HS1BP3: variants seen among roughly 807,000 people sequenced by gnomAD.
HS1BP3 encodes the protein HCLS1-binding protein 3.
HS1BP3 carries 32 observed loss-of-function variants against 33.5 expected under a neutral mutation model. That is an observed-to-expected ratio of 0.95 (90% CI 0.72 to 1.28). The LOEUF is 1.28. Ranked by LOEUF, HS1BP3 falls within the 50% of genes most tolerant of loss-of-function variation. The probability of loss-of-function intolerance (pLI) is 0.00; values close to 1 mark genes in which losing one functional copy is unlikely to be tolerated. For synonymous variants in HS1BP3, 187 were observed against 209.2 expected, an observed-to-expected ratio of 0.89 and a Z score of 0.92; for missense variants, 486 against 502.3, an observed-to-expected ratio of 0.97 and a Z score of 0.31.
At chr2:20,623,777 C>T (rs758447028) in intron 6 of HS1BP3, 119 bp downstream of exon 6, 9 of 1,195,788 alleles carry the variant, frequency 7.5e-6, no homozygotes, top group Non-Finnish European at 9.0e-6. Context: ...CTACTTTTCA[C>T]AGGCCTGGGG....
intron 3 of HS1BP3, 104 bp downstream of exon 3, chr2:20,640,869 C>A (rs1212605105): frequency 1.7e-6 from 2 of 1,166,866 alleles, no homozygotes; most frequent in Non-Finnish European, 2.5e-6. Flanking sequence ...CTGAAGCCTC[C>A]AGGCTGCAGA....
At chr2:20,634,278 G>A (rs1695054393) in intron 4 of HS1BP3, among the ~76,000 whole-genome samples, 1 of 152,224 alleles carries the variant, frequency 6.6e-6, no homozygotes, top group African/African-American at 2.4e-5. Flanking sequence ...TTGGTTTCTG[G>A]GAATTCTCAA....
chr2:20,566,765 C>A (rs368542884), intron 5 of HS1BP3, among the ~76,000 whole-genome samples: 3 of 152,024 alleles, frequency 2.0e-5, no homozygotes, highest in African/African-American at 7.2e-5. Flanking sequence ...CACCACCATG[C>A]CCAGCTAATT....
At position 20,641,069 on chromosome 2, in the gene HS1BP3, C is replaced by T. The variant is rs1558349764; in HGVS notation, c.310G>A (p.Asp104Asn). ...PRKVLFVGES[D>N]IRERRAVFNE... The stretch of plus-strand genomic sequence containing the variant: ...AACACGGCTCTCCTCTCCCGGATGT[C>T]AGACTCCCCAACAAACAGGACCTTC... Residue 104 changes from aspartate to asparagine, a missense_variant, in exon 3 of 7, where the codon GAC becomes AAC. Transcript: ENST00000304031. The T allele has an allele frequency of 6.2e-7, 1 of 1,614,126 alleles. No homozygotes were observed. The highest frequency in any genetic ancestry group is 8.5e-7 in the Non-Finnish European group (1 of 1,180,040).
intron 4 of HS1BP3, among the ~76,000 whole-genome samples, chr2:20,630,077 G>A (rs892709336): frequency 7.2e-5 from 11 of 152,228 alleles, no homozygotes; most frequent in African/African-American, 2.7e-4. Context: ...GCTTAACTGG[G>A]TCTGAACAGA....
At chr2:20,582,414 C>G (rs1267593535) in intron 5 of HS1BP3, among the ~76,000 whole-genome samples, 1 of 150,296 alleles carries the variant, frequency 6.7e-6, no homozygotes, top group African/African-American at 2.5e-5. Context: ...GAGAGCTGTC[C>G]TAGGGGGAGG....
downstream of HS1BP3, among the ~76,000 whole-genome samples, chr2:20,557,814 G>A (rs184487473): frequency 3.4e-4 from 52 of 152,288 alleles, no homozygotes; most frequent in Non-Finnish European, 5.9e-4. Context: ...ACCCTGCAGG[G>A]GCCAGGTGCC....
intron 5 of HS1BP3, among the ~76,000 whole-genome samples, chr2:20,574,223 G>T (rs147009709): frequency 6.6e-6 from 1 of 152,204 alleles, no homozygotes; most frequent in Non-Finnish European, 1.5e-5. Context: ...TGCAAGGCTC[G>T]TGAGACTCAA....
chr2:20,618,481 A>T lies in HS1BP3; in HGVS notation c.*506T>A. 1 of 158,616 alleles carries T rather than the reference A, an allele frequency of 6.3e-6. No individual in the cohort carries two copies. The allele number at this position is 158,616 out of a possible 1,614,324, so 9.8% of individuals were successfully genotyped here. Reference sequence around the variant, plus strand: ...GACGTCCCCACCCCAGGCCCAGGCCAGTCAGTCACCCAGGCTACAGCTTAG... The same window carrying T: ...GACGTCCCCACCCCAGGCCCAGGCCTGTCAGTCACCCAGGCTACAGCTTAG... On this transcript the variant is annotated 3_prime_UTR_variant, in exon 7 of 7. Coordinates refer to ENST00000304031, the MANE Select transcript of HS1BP3 (RefSeq NM_022460.4).
intron 5 of HS1BP3, among the ~76,000 whole-genome samples, chr2:20,584,519 G>A (rs1047017095): frequency 2.0e-5 from 3 of 152,172 alleles, no homozygotes; most frequent in East Asian, 1.9e-4. Context: ...AAGGCTCTTC[G>A]GGTCAGCAGG....
At chr2:20,569,009 A>G (rs1315590087) in intron 5 of HS1BP3, among the ~76,000 whole-genome samples, 1 of 152,186 alleles carries the variant, frequency 6.6e-6, no homozygotes, top group Non-Finnish European at 1.5e-5. Context: ...TAAGCAGAGT[A>G]CTGGTCGACT....
At chr2:20,605,244 A>G (rs986331564) in intron 2 of HS1BP3, among the ~76,000 whole-genome samples, 9 of 152,118 alleles carry the variant, frequency 5.9e-5, no homozygotes, top group African/African-American at 2.2e-4. Flanking sequence ...TCAAGATTTC[A>G]GCATCATCTA....
intron 2 of HS1BP3, among the ~76,000 whole-genome samples, chr2:20,641,967 G>A (rs2149302356): frequency 6.6e-6 from 1 of 152,318 alleles, no homozygotes; most frequent in South Asian, 2.1e-4. Flanking sequence ...CCATCGCCGT[G>A]TCTGTAACCA....
intron 2 of HS1BP3, among the ~76,000 whole-genome samples, chr2:20,608,304 G>A (rs1324051751): frequency 2.0e-5 from 3 of 152,042 alleles, no homozygotes; most frequent in Non-Finnish European, 4.4e-5. Flanking sequence ...GCCGGGTGTG[G>A]TGGCTCATGC....
intron 5 of HS1BP3, among the ~76,000 whole-genome samples, chr2:20,574,739 C>G (rs1344554623): frequency 1.3e-5 from 2 of 152,354 alleles, no homozygotes; most frequent in South Asian, 2.1e-4. Flanking sequence ...AGCCTGGCCT[C>G]CTGGACACCT....
intron 1 of HS1BP3, among the ~76,000 whole-genome samples, chr2:20,649,932 G>A (rs1695636800): frequency 6.6e-6 from 1 of 152,208 alleles, no homozygotes; most frequent in South Asian, 2.1e-4. Context: ...ATCTGCACAT[G>A]GCTGAGGGGC....
Position 20,619,035 on chromosome 2 carries a change from G to C in HS1BP3, c.1131C>G (p.Tyr377Ter). ...GGGCTGGTGTATCGTGGTCCTGGAT[G>C]TACTGCAAGATGTCCATCTCGTCCA... The part of the protein sequence containing the change: ...QAMDEMDILQ[Y>*]IQDHDTPAQA... The change falls in exon 7 of 7, where the codon TAC becomes TAG. Residue 377 changes from tyrosine to a stop codon, truncating the protein, a stop_gained. Coordinates refer to ENST00000304031, the MANE Select transcript of HS1BP3 (RefSeq NM_022460.4). LOFTEE classifies it high-confidence loss of function. 6.2e-7 allele frequency: 1 copy of C among 1,614,180 alleles called. No homozygotes were observed. The highest frequency in any genetic ancestry group is 1.1e-5 in the South Asian group (1 of 91,090).
intron 5 of HS1BP3, among the ~76,000 whole-genome samples, chr2:20,573,141 T>C (rs1028158582): frequency 1.3e-5 from 2 of 152,190 alleles, no homozygotes; most frequent in Non-Finnish European, 2.9e-5. Context: ...AGATCTTACC[T>C]GGAAACACAG....
At chr2:20,589,836 C>T (rs922245407), downstream of HS1BP3, among the ~76,000 whole-genome samples, 18 of 151,314 alleles carry the variant, frequency 1.2e-4, no homozygotes, top group Middle Eastern at 3.2e-3. Flanking sequence ...CAGCTGGGGG[C>T]GGGATTGTGG....
Sources: allele counts gnomAD v4.1 joint callset (sites outside exome capture counted in the v4.1 genomes callset), GRCh38; gene constraint gnomAD v4.1.1; transcripts MANE v1.5; gene names NCBI Gene and HGNC (gene_info 2026-07-23, HGNC 2026-07-21).